The following DSCAM variants were observed in gnomAD, a reference collection of about 807,000 sequenced individuals.
DSCAM encodes DS cell adhesion molecule.
Under a neutral mutation model 217.7 loss-of-function variants are expected in DSCAM, and 47 were observed. The observed-to-expected ratio is 0.22, with a 90% confidence interval of 0.17 to 0.28. DSCAM has a LOEUF of 0.28. Ranked by LOEUF, DSCAM falls within the 10% of genes least tolerant of loss-of-function variation. DSCAM has a pLI of 1.00. For synonymous variants in DSCAM, 1,056 were observed against 1,015.3 expected (o/e 1.04, Z -0.76); for missense variants, 2,080 against 2,618.3 (o/e 0.79, Z 4.49).
intron 11 of DSCAM, among the ~76,000 whole-genome samples, chr21:40,251,493 C>T (rs1296759324): frequency 6.6e-6 from 1 of 152,152 alleles, no homozygotes; most frequent in African/African-American, 2.4e-5. Flanking sequence ...TCCTAGTCTT[C>T]CCTTGTTTTA....
intron 11 of DSCAM, among the ~76,000 whole-genome samples, chr21:40,255,288 G>A (rs571313666): frequency 6.6e-6 from 1 of 152,068 alleles, no homozygotes; most frequent in African/African-American, 2.4e-5. Flanking sequence ...GCCGGGTTCC[G>A]CTCTGCAACC....
At chr21:40,069,710 G>T (rs2089262847) in intron 27 of DSCAM, among the ~76,000 whole-genome samples, 1 of 152,120 alleles carries the variant, frequency 6.6e-6, no homozygotes. Context: ...GGTTTTATTT[G>T]CAGCCTCTCC....
intron 3 of DSCAM, among the ~76,000 whole-genome samples, chr21:40,527,810 C>A (rs1398677601): frequency 6.6e-6 from 1 of 152,218 alleles, no homozygotes; most frequent in South Asian, 2.1e-4. Flanking sequence ...GAAGCTCACC[C>A]TTGCCTCTGG....
chr21:40,419,217 A>G (rs2075400362), intron 3 of DSCAM, among the ~76,000 whole-genome samples: 1 of 150,270 alleles, frequency 6.7e-6, no homozygotes, highest in Non-Finnish European at 1.5e-5. Context: ...TCCTGACCTC[A>G]TAATCCGCCT....
At chr21:40,424,815 C>T (rs1042113357) in intron 3 of DSCAM, among the ~76,000 whole-genome samples, 1 of 152,082 alleles carries the variant, frequency 6.6e-6, no homozygotes, top group African/African-American at 2.4e-5. Flanking sequence ...AAAAAATTAT[C>T]ACAACAGGCC....
intron 10 of DSCAM, among the ~76,000 whole-genome samples, chr21:40,288,779 T>C (rs2073857292): frequency 6.6e-6 from 1 of 152,242 alleles, no homozygotes; most frequent in Non-Finnish European, 1.5e-5. Flanking sequence ...CCAGAAGCCA[T>C]AATAAATGCT....
At chr21:40,677,404 G>A (rs962470841) in intron 3 of DSCAM, among the ~76,000 whole-genome samples, 7 of 151,938 alleles carry the variant, frequency 4.6e-5, no homozygotes, top group African/African-American at 9.7e-5. Flanking sequence ...AGTGGGAGCC[G>A]GGGGGTGAGG....
intron 32 of DSCAM, among the ~76,000 whole-genome samples, chr21:40,020,879 C>G (rs1175993794): frequency 1.3e-5 from 2 of 152,146 alleles, no homozygotes; most frequent in African/African-American, 4.8e-5. Flanking sequence ...ATTTGCACAC[C>G]ATGAACCCAC....
intron 3 of DSCAM, among the ~76,000 whole-genome samples, chr21:40,660,369 G>C (rs538704410): frequency 6.6e-6 from 1 of 152,138 alleles, no homozygotes; most frequent in African/African-American, 2.4e-5. Flanking sequence ...AAAAACAAGG[G>C]ATAATTCTAA....
chr21:40,219,730 T>C (rs933936676), intron 11 of DSCAM, among the ~76,000 whole-genome samples: 6 of 152,220 alleles, frequency 3.9e-5, no homozygotes, highest in South Asian at 2.1e-4. Context: ...TTCCATATTA[T>C]CATTTATTTT....
chr21:40,436,068 T>A (rs1014416090), intron 3 of DSCAM, among the ~76,000 whole-genome samples: 1 of 152,206 alleles, frequency 6.6e-6, no homozygotes, highest in African/African-American at 2.4e-5. Flanking sequence ...CTAAGTATGA[T>A]GTTCAATATG....
intron 3 of DSCAM, among the ~76,000 whole-genome samples, chr21:40,679,748 G>A (rs2090379825): frequency 6.6e-6 from 1 of 152,110 alleles, no homozygotes; most frequent in Non-Finnish European, 1.5e-5. Flanking sequence ...TAATAAATAA[G>A]TAAAGAGTTG....
intron 9 of DSCAM, among the ~76,000 whole-genome samples, chr21:40,297,807 C>G (rs1014714478): frequency 3.9e-5 from 6 of 152,138 alleles, no homozygotes; most frequent in African/African-American, 1.4e-4. Flanking sequence ...TGAAGAAGCA[C>G]CAGAAAATAA....
chr21:40,422,007 G>A (rs1296744070), intron 3 of DSCAM, among the ~76,000 whole-genome samples: 1 of 152,202 alleles, frequency 6.6e-6, no homozygotes, highest in Non-Finnish European at 1.5e-5. Flanking sequence ...CTTTTAAACT[G>A]AATGCCTCAT....
intron 3 of DSCAM, among the ~76,000 whole-genome samples, chr21:40,463,446 C>A (rs1317174055): frequency 1.3e-5 from 2 of 152,100 alleles, no homozygotes; most frequent in Non-Finnish European, 2.9e-5. Context: ...TTTGTCCAAT[C>A]ACCCCTTCTT....
intron 3 of DSCAM, among the ~76,000 whole-genome samples, chr21:40,372,493 A>G (rs1395699643): frequency 6.6e-6 from 1 of 152,204 alleles, no homozygotes; most frequent in East Asian, 1.9e-4. Flanking sequence ...AGCCTACTGA[A>G]CAGGGAATGA....
At chr21:40,546,377 G>T (rs2076582762) in intron 3 of DSCAM, among the ~76,000 whole-genome samples, 1 of 152,214 alleles carries the variant, frequency 6.6e-6, no homozygotes, top group Non-Finnish European at 1.5e-5. Flanking sequence ...CTGGCCCAAA[G>T]CAAACGGCAA....
intron 6 of DSCAM, among the ~76,000 whole-genome samples, chr21:40,342,626 G>A (rs75684884): frequency 0.047 from 4,449 of 94,692 alleles, 248 homozygotes; most frequent in African/African-American, 0.13. Context: ...GTGTGTGTGT[G>A]TATATATATA....
At chr21:40,421,199 T>C (rs2075420591) in intron 3 of DSCAM, among the ~76,000 whole-genome samples, 1 of 152,192 alleles carries the variant, frequency 6.6e-6, no homozygotes, top group Non-Finnish European at 1.5e-5. Context: ...CACCACTGCC[T>C]GCAGCTCAGG....
Sources: gnomAD v4.1 joint callset for allele counts (sites outside exome capture counted in the v4.1 genomes callset) on GRCh38, gnomAD v4.1.1 for gene constraint, MANE v1.5 for transcripts, NCBI Gene and HGNC (gene_info 2026-07-23, HGNC 2026-07-21) for gene names.